The following FAM193A variants were observed in gnomAD, a reference collection of about 807,000 sequenced individuals.
FAM193A encodes the protein family with sequence similarity 193 member A.
FAM193A carries 22 observed loss-of-function variants against 126.5 expected under a neutral mutation model. That is an observed-to-expected ratio of 0.17 (90% confidence interval 0.12 to 0.25). The LOEUF is 0.25. Ranked by LOEUF, FAM193A falls within the 10% of genes least tolerant of loss-of-function variation. The probability of loss-of-function intolerance (pLI) is 1.00; values close to 1 mark genes in which losing one functional copy is unlikely to be tolerated. For missense variants in FAM193A, 1,675 were observed against 1,672.8 expected (o/e 1.00, Z -0.02); for synonymous variants, 761 against 646.8 (o/e 1.18, Z -2.68).
chr4:2,552,547 C>CT (rs1165840914), intron 1 of FAM193A, among the ~76,000 whole-genome samples: 103 of 150,982 alleles, frequency 6.8e-4, no homozygotes, highest in African/African-American at 2.4e-3. Context: ...CTTTTCTTTT[C>CT]TTTTTTTTTG....
intron 6 of FAM193A, among the ~76,000 whole-genome samples, chr4:2,640,339 G>A (rs370855112): frequency 6.6e-5 from 10 of 152,056 alleles, no homozygotes; most frequent in African/African-American, 2.2e-4. Context: ...GCTTCTTCAC[G>A]CTTGGGAAGC....
At chr4:2,707,403 C>G (rs1043453431) in intron 19 of FAM193A, among the ~76,000 whole-genome samples, 2 of 152,082 alleles carry the variant, frequency 1.3e-5, no homozygotes, top group Non-Finnish European at 2.9e-5. Context: ...TAATTCTGAA[C>G]TATCCAATAC....
At chr4:2,676,038 A>G (rs986123881) in intron 13 of FAM193A, among the ~76,000 whole-genome samples, 2 of 152,240 alleles carry the variant, frequency 1.3e-5, no homozygotes, top group Non-Finnish European at 2.9e-5. Flanking sequence ...ATCAGTGAAC[A>G]CGTGTTGTTT....
intron 1 of FAM193A, among the ~76,000 whole-genome samples, chr4:2,594,468 C>T (rs887508784): frequency 6.6e-6 from 1 of 152,170 alleles, no homozygotes; most frequent in Non-Finnish European, 1.5e-5. Context: ...ACTCTCTTCC[C>T]ACCTGGCATG....
At chr4:2,702,447 T>C (rs1717838587) in intron 19 of FAM193A, among the ~76,000 whole-genome samples, 1 of 152,178 alleles carries the variant, frequency 6.6e-6, no homozygotes, top group Non-Finnish European at 1.5e-5. Flanking sequence ...TCTTCAACAG[T>C]GGTGTTCAGA....
intron 20 of FAM193A, among the ~76,000 whole-genome samples, chr4:2,730,414 G>C (rs911581284): frequency 6.6e-6 from 1 of 152,176 alleles, no homozygotes; most frequent in Non-Finnish European, 1.5e-5. Flanking sequence ...TTGGAGGCCG[G>C]GCGCGGTGGC....
At chr4:2,696,692 C>A in intron 18 of FAM193A, 99 bp downstream of exon 18, 1 of 882,694 alleles carries the variant, frequency 1.1e-6, no homozygotes, top group Non-Finnish European at 1.8e-6. Flanking sequence ...CACAGGAGGT[C>A]GGGGCTCTGA....
intron 2 of FAM193A, among the ~76,000 whole-genome samples, chr4:2,599,239 T>C (rs559654326): frequency 6.6e-6 from 1 of 152,086 alleles, no homozygotes; most frequent in Non-Finnish European, 1.5e-5. Flanking sequence ...CTAACCACTT[T>C]TATGGCCTCC....
Position 2,726,951 on chromosome 4 carries a change from A to C in FAM193A, c.4455-4824A>C, listed in dbSNP as rs938996361. ...GGCAACAAGAGCAAAACTCCGTCCC[A>C]AAAAAAAAAAAAAAAAAAATTGTGA... On this transcript the variant is annotated intron_variant, in intron 20 of 20. Coordinates refer to ENST00000637812, the MANE Select transcript of FAM193A (RefSeq NM_001366318.2). Among the ~76,000 whole-genome samples, 52 of 30,148 alleles carry C rather than the reference A, an allele frequency of 1.7e-3. No individual in the cohort carries two copies. The South Asian group carries it at 0.019, about 11-fold the overall frequency. The allele number at this position is 30,148 out of a possible 152,430, so 19.8% of individuals were successfully genotyped here.
intron 1 of FAM193A, among the ~76,000 whole-genome samples, chr4:2,595,328 C>T (rs942713559): frequency 3.9e-5 from 6 of 152,198 alleles, no homozygotes; most frequent in African/African-American, 1.4e-4. Flanking sequence ...GGATCACAGG[C>T]GTAAGCCACT....
intron 1 of FAM193A, among the ~76,000 whole-genome samples, chr4:2,591,969 T>C (rs1223015291): frequency 6.6e-6 from 1 of 152,164 alleles, no homozygotes; most frequent in African/African-American, 2.4e-5. Context: ...TATGCAAAAA[T>C]TTCTGGGTTA....
intron 1 of FAM193A, among the ~76,000 whole-genome samples, chr4:2,565,254 C>CTT (rs71644338): frequency 7.9e-5 from 4 of 50,674 alleles, no homozygotes; most frequent in African/African-American, 3.4e-4. Context: ...ATAGAGTAGC[C>CTT]TTTTTTTTTT....
chr4:2,618,621 G>A (rs1387749008), intron 2 of FAM193A, among the ~76,000 whole-genome samples: 1 of 111,940 alleles, frequency 8.9e-6, no homozygotes, highest in Admixed American at 1.0e-4. Context: ...TTGAGACGAA[G>A]TTTTGCTCTT....
chr4:2,555,839 A>T (rs1266995415), intron 1 of FAM193A, among the ~76,000 whole-genome samples: 1 of 151,142 alleles, frequency 6.6e-6, no homozygotes, highest in Non-Finnish European at 1.5e-5. Context: ...GGTGGTCTCG[A>T]TCTCCTGACC....
At chr4:2,686,943 G>GT in intron 13 of FAM193A, among the ~76,000 whole-genome samples, 2 of 152,128 alleles carry the variant, frequency 1.3e-5, no homozygotes. Flanking sequence ...ATTGAAATAC[G>GT]TTTTTTTATT....
chr4:2,715,122 G>C (rs1003021520), intron 19 of FAM193A, among the ~76,000 whole-genome samples: 4 of 152,226 alleles, frequency 2.6e-5, no homozygotes, highest in Non-Finnish European at 5.9e-5. Context: ...AAAGATGGTT[G>C]TGTAATTGCA....
At chr4:2,637,676 G>A (rs1577113094) in intron 5 of FAM193A, among the ~76,000 whole-genome samples, 1 of 152,204 alleles carries the variant, frequency 6.6e-6, no homozygotes, top group African/African-American at 2.4e-5. Context: ...CGTAGGAGCT[G>A]TGAGGACACA....
intron 15 of FAM193A, among the ~76,000 whole-genome samples, chr4:2,691,370 C>T (rs2109267308): frequency 6.6e-6 from 1 of 152,314 alleles, no homozygotes; most frequent in Middle Eastern, 3.4e-3. Context: ...TGCCCACCAC[C>T]ACGCACGGCT....
chr4:2,694,008 T>G, intron 16 of FAM193A, 134 bp downstream of exon 16: 2 of 954,466 alleles, frequency 2.1e-6, no homozygotes, highest in Non-Finnish European at 3.1e-6. Flanking sequence ...AATGCAGGGA[T>G]GTCCCCAGCA....
Sources: gnomAD v4.1 joint callset for allele counts (sites outside exome capture counted in the v4.1 genomes callset) on GRCh38, gnomAD v4.1.1 for gene constraint, MANE v1.5 for transcripts, NCBI Gene and HGNC (gene_info 2026-07-23, HGNC 2026-07-21) for gene names.